Variants in LMTK2 observed in about 807,000 individuals in gnomAD.
LMTK2 encodes the protein serine/threonine-protein kinase LMTK2.
In LMTK2, 37 loss-of-function variants were observed where a neutral mutation model predicts 127.5. The ratio of observed to expected loss-of-function variants is 0.29; its 90% CI spans 0.22 to 0.38. LMTK2 has a LOEUF of 0.38. Ranked by LOEUF, LMTK2 falls within the 10% of genes least tolerant of loss-of-function variation. The pLI, the probability that LMTK2 is intolerant of heterozygous loss-of-function variation, is 1.00. For missense variants in LMTK2, 1,694 were observed against 1,920.3 expected, an observed-to-expected ratio of 0.88 and a Z score of 2.20; for synonymous variants, 819 against 810.1, an observed-to-expected ratio of 1.01 and a Z score of -0.19.
Position 98,115,395 on chromosome 7 carries a change from G to A in LMTK2, c.103+8115G>A, listed in dbSNP as rs140343319. Among the ~76,000 whole-genome samples, 84 of 151,746 alleles carry A rather than the reference G, an allele frequency of 5.5e-4. 1 individual carries two copies. The highest frequency in any genetic ancestry group is 2.3e-3 in the East Asian group (12 of 5,150). On this transcript the variant is annotated intron_variant, in intron 1 of 13. Coordinates refer to ENST00000297293, the MANE Select transcript of LMTK2 (RefSeq NM_014916.4). ...CATGCCATTGCACACCAGCCTGGGCGACAGAGCGAGACTCAAAGAAAGAGA... is the reference window on the plus strand; with the variant it reads ...CATGCCATTGCACACCAGCCTGGGCAACAGAGCGAGACTCAAAGAAAGAGA...
intron 9 of LMTK2, among the ~76,000 whole-genome samples, chr7:98,188,604 C>T (rs1797474813): frequency 6.6e-6 from 1 of 152,192 alleles, no homozygotes; most frequent in Admixed American, 6.5e-5. Flanking sequence ...AACCCTCCTT[C>T]ATTTCCGAAG....
At chr7:98,108,745 A>G (rs374776529) in intron 1 of LMTK2, among the ~76,000 whole-genome samples, 1 of 152,202 alleles carries the variant, frequency 6.6e-6, no homozygotes, top group African/African-American at 2.4e-5. Context: ...GTAGGTAAAG[A>G]GTATTTATAT....
chr7:98,165,517 A>AT (rs1164858968), intron 6 of LMTK2, among the ~76,000 whole-genome samples: 5 of 152,120 alleles, frequency 3.3e-5, no homozygotes, highest in African/African-American at 1.2e-4. Context: ...GGGTCTCACT[A>AT]TATTGCCCAG....
intron 9 of LMTK2, among the ~76,000 whole-genome samples, chr7:98,187,747 A>T (rs979651584): frequency 2.0e-5 from 3 of 151,818 alleles, no homozygotes; most frequent in African/African-American, 7.3e-5. Context: ...AGTAATTGGG[A>T]TTACCAATAT....
At chr7:98,140,148 T>G (rs1375654864) in intron 2 of LMTK2, among the ~76,000 whole-genome samples, 71 of 5,854 alleles carry the variant, frequency 0.012, 19 homozygotes, top group African/African-American at 0.022. Flanking sequence ...CTTTCTTTTC[T>G]TTTCTTTTCT....
At chr7:98,120,362 A>G (rs1796343782) in intron 1 of LMTK2, among the ~76,000 whole-genome samples, 1 of 152,166 alleles carries the variant, frequency 6.6e-6, no homozygotes, top group African/African-American at 2.4e-5. Context: ...TGAGTTTGAC[A>G]TGGTATAATT....
chr7:98,202,911 T>C (rs1797723671), intron 11 of LMTK2, among the ~76,000 whole-genome samples: 1 of 152,178 alleles, frequency 6.6e-6, no homozygotes, highest in African/African-American at 2.4e-5. Flanking sequence ...AGTTACACGA[T>C]GTGCCATACT....
chr7:98,193,913 G>A lies in LMTK2; in HGVS notation c.3448G>A (p.Asp1150Asn). The A allele has an allele frequency of 6.2e-7, 1 of 1,614,138 alleles. No homozygotes were observed. Among genetic ancestry groups the A allele is most frequent in the South Asian group, 1.1e-5 (1 of 91,084 alleles). ...VLPEQSPAAQ[D>N]SCLEARKSQP... ...CCCCGAGCAAAGTCCTGCTGCCCAG[G>A]ATAGCTGCCTGGAAGCCAGAAAGAG... Residue 1150 changes from aspartate to asparagine, a missense_variant, in exon 11 of 14, where the codon GAT becomes AAT. Coordinates refer to ENST00000297293, the MANE Select transcript of LMTK2 (RefSeq NM_014916.4). This position sits in a 1 kb window ranked among gnomAD's most constrained non-coding sequence, Gnocchi z 4.1.
chr7:98,158,543 T>A (rs1341000895), intron 5 of LMTK2, among the ~76,000 whole-genome samples: 1 of 152,000 alleles, frequency 6.6e-6, no homozygotes, highest in African/African-American at 2.4e-5. Context: ...ACAGGTTCTG[T>A]GTCCATGGAT....
intron 2 of LMTK2, among the ~76,000 whole-genome samples, chr7:98,140,259 G>A (rs1253718914): frequency 6.6e-6 from 1 of 151,042 alleles, no homozygotes; most frequent in Non-Finnish European, 1.5e-5. Context: ...TCCTCCCTCA[G>A]CCTCCTGAGT....
At chr7:98,195,165 G>A (rs1797607883) in intron 11 of LMTK2, among the ~76,000 whole-genome samples, 1 of 152,230 alleles carries the variant, frequency 6.6e-6, no homozygotes, top group Non-Finnish European at 1.5e-5. Context: ...TTACAGGCAT[G>A]AGCCACTGCG....
intron 13 of LMTK2, among the ~76,000 whole-genome samples, chr7:98,205,038 C>G (rs991936346): frequency 6.6e-6 from 1 of 152,164 alleles, no homozygotes; most frequent in African/African-American, 2.4e-5. Flanking sequence ...ACATAGGGAG[C>G]CTTCTTTCCC....
At chr7:98,143,083 A>G (rs374734203) in intron 3 of LMTK2, among the ~76,000 whole-genome samples, 1 of 152,176 alleles carries the variant, frequency 6.6e-6, no homozygotes. Context: ...TCTACTGGGG[A>G]TGGATGGGAG....
intron 9 of LMTK2, 24 bp downstream of exon 9, chr7:98,187,022 T>G: frequency 1.3e-6 from 2 of 1,595,992 alleles, no homozygotes; most frequent in Non-Finnish European, 1.7e-6. Context: ...TACCGTTTTA[T>G]TAGTCATTTC....
Position 98,194,116 on chromosome 7 carries a change from A to G in LMTK2, c.3651A>G (p.Thr1217=), listed in dbSNP as rs929459069. 9.3e-6 allele frequency: 15 copies of G among 1,613,966 alleles called. No individual in the cohort carries two copies. Among genetic ancestry groups the G allele is most frequent in the Non-Finnish European group, 1.3e-5 (15 of 1,180,026 alleles). ...TTAGCAGCGGCGATGACTTCGAGAC[A>G]CAGGACGATCGCCCCTGCACCCTCG... is the stretch of plus-strand genomic sequence containing the variant. ...AELSSGDDFE[T]QDDRPCTLAS... The change falls in exon 11 of 14, where the codon ACA becomes ACG. Residue 1217 remains threonine, a synonymous_variant. Coordinates refer to ENST00000297293, the MANE Select transcript of LMTK2 (RefSeq NM_014916.4). The surrounding 1 kb of genome is among the most constrained non-coding windows in gnomAD (Gnocchi z 5.4).
At chr7:98,129,147 C>T (rs1796485240) in intron 1 of LMTK2, among the ~76,000 whole-genome samples, 1 of 152,090 alleles carries the variant, frequency 6.6e-6, no homozygotes, top group South Asian at 2.1e-4. Flanking sequence ...TGCAGTGGCA[C>T]GATCGCACAC....
Position 98,193,649 on chromosome 7 carries a change from G to A in LMTK2, c.3184G>A (p.Gly1062Ser). The A allele has an allele frequency of 6.2e-7, 1 of 1,613,942 alleles. No homozygotes were observed. Among genetic ancestry groups the A allele is most frequent in the Non-Finnish European group, 8.5e-7 (1 of 1,180,018 alleles). The change falls in exon 11 of 14, where the codon GGC becomes AGC. Residue 1062 changes from glycine to serine, a missense_variant. Coordinates refer to ENST00000297293, the MANE Select transcript of LMTK2 (RefSeq NM_014916.4). This position sits in a 1 kb window ranked among gnomAD's most constrained non-coding sequence, Gnocchi z 4.1. ...ADSEPATTGD[G>S]GHSGLPPNPV... Reference sequence around the variant, plus strand: ...CTCAGAACCAGCCACCACGGGCGATGGCGGCCACAGCGGTCTGCCTCCCAA... The same window carrying A: ...CTCAGAACCAGCCACCACGGGCGATAGCGGCCACAGCGGTCTGCCTCCCAA...
chr7:98,125,969 TGAAGAGA>T (rs1480892452), intron 1 of LMTK2, among the ~76,000 whole-genome samples: 1 of 152,220 alleles, frequency 6.6e-6, no homozygotes, highest in East Asian at 1.9e-4. Flanking sequence ...ACTTCCTCTC[TGAAGAGA>T]GAACTTGGAA....
intron 3 of LMTK2, among the ~76,000 whole-genome samples, chr7:98,147,448 C>G (rs1796790579): frequency 6.6e-6 from 1 of 152,164 alleles, no homozygotes; most frequent in Non-Finnish European, 1.5e-5. Flanking sequence ...TGGTCTCAAA[C>G]TTCTGGGCTC....
Sources: allele counts gnomAD v4.1 joint callset (sites outside exome capture counted in the v4.1 genomes callset), GRCh38; gene constraint gnomAD v4.1.1; non-coding constraint Gnocchi (gnomAD v3.1); transcripts MANE v1.5; gene names NCBI Gene and HGNC (gene_info 2026-07-23, HGNC 2026-07-21).